TRIM33: variants seen among roughly 807,000 people sequenced by gnomAD.
TRIM33 encodes the protein tripartite motif containing 33.
A neutral mutation model predicts 125.4 loss-of-function variants in TRIM33; 20 were observed. The observed-to-expected ratio is 0.16, with a 90% confidence interval of 0.11 to 0.23. The LOEUF is 0.23. Ranked by LOEUF, TRIM33 falls within the 10% of genes least tolerant of loss-of-function variation. TRIM33 has a pLI of 1.00. For missense variants in TRIM33, 920 were observed against 1,411.4 expected (o/e 0.65, Z 5.58); for synonymous variants, 564 against 513.9 (o/e 1.10, Z -1.32).
At chr1:114,490,059 T>G (rs1357909239) in intron 1 of TRIM33, among the ~76,000 whole-genome samples, 1 of 112,780 alleles carries the variant, frequency 8.9e-6, no homozygotes, top group Non-Finnish European at 1.6e-5. Context: ...AAGACCAGCC[T>G]GGGCAACAGA....
At chr1:114,398,072 C>A (rs1243939939) in intron 18 of TRIM33, 82 bp from the exon 19 acceptor site, 4 of 1,464,346 alleles carry the variant, frequency 2.7e-6, no homozygotes. Flanking sequence ...GGATTGGCGA[C>A]GAAAAGTCAG....
chr1:114,414,027 G>GCGCACACACACA (rs1353374378), intron 11 of TRIM33, among the ~76,000 whole-genome samples: 1 of 130,684 alleles, frequency 7.7e-6, no homozygotes, highest in Non-Finnish European at 1.6e-5. Context: ...TAAATCACAG[G>GCGCACACACACA]CACACACACA....
chr1:114,418,749 A>G (rs983860929), intron 11 of TRIM33, among the ~76,000 whole-genome samples: 10 of 152,088 alleles, frequency 6.6e-5, no homozygotes, highest in African/African-American at 2.4e-4. Context: ...TGACACTGAC[A>G]ATGGCTCCAC....
chr1:114,424,979 CCT>C (rs1357955852), intron 9 of TRIM33, among the ~76,000 whole-genome samples: 3 of 151,992 alleles, frequency 2.0e-5, no homozygotes, highest in African/African-American at 4.8e-5. Flanking sequence ...ACCTGTTCCC[CCT>C]CTTTTTCTCT....
In TRIM33 at chr1:114,479,652, A is replaced by G. The variant is rs137941498; in HGVS notation, c.527-15264T>C. Among the ~76,000 whole-genome samples, 523 of 152,362 alleles carry G rather than the reference A, an allele frequency of 3.4e-3. 2 individuals are homozygous for G. Among genetic ancestry groups the G allele is most frequent in the Non-Finnish European group, 5.3e-3 (361 of 68,028 alleles). ...TCAGGATGACAGGAAATAAAACCAG[A>G]CTATATAAATGTAACAATCATGACT... On this transcript the variant is annotated intron_variant, in intron 1 of 19. Transcript: ENST00000358465.
At chr1:114,401,338 T>G in intron 17 of TRIM33, 51 bp downstream of exon 17, 1 of 1,519,404 alleles carries the variant, frequency 6.6e-7, no homozygotes, top group Non-Finnish European at 9.1e-7. Context: ...GAGCCCATAC[T>G]CTTAAGTATT....
intron 10 of TRIM33, 123 bp downstream of exon 10, chr1:114,424,468 G>T: frequency 1.3e-6 from 1 of 748,778 alleles, no homozygotes. Flanking sequence ...TGGGACAAGA[G>T]GATATACAGC....
chr1:114,399,275 A>G (rs545438505), intron 18 of TRIM33, among the ~76,000 whole-genome samples, 182 bp downstream of exon 18: 2 of 152,266 alleles, frequency 1.3e-5, no homozygotes, highest in East Asian at 3.9e-4. Flanking sequence ...ATTTAAGTAT[A>G]TACTCCAAAT....
chr1:114,485,707 GC>G (rs1239295630), intron 1 of TRIM33, among the ~76,000 whole-genome samples: 2 of 152,184 alleles, frequency 1.3e-5, no homozygotes, highest in African/African-American at 4.8e-5. Context: ...GTGTCAGGAG[GC>G]CCAAGGGGAA....
intron 4 of TRIM33, among the ~76,000 whole-genome samples, chr1:114,437,136 G>C (rs111350981): frequency 6.6e-6 from 1 of 152,026 alleles, no homozygotes; most frequent in Non-Finnish European, 1.5e-5. Flanking sequence ...AATATATCTT[G>C]TTACATTCAT....
At chr1:114,475,813 G>C (rs968886576) in intron 1 of TRIM33, among the ~76,000 whole-genome samples, 1 of 152,078 alleles carries the variant, frequency 6.6e-6, no homozygotes, top group Non-Finnish European at 1.5e-5. Flanking sequence ...ATCCAGCCTA[G>C]GCAACAAAGC....
Position 114,500,571 on chromosome 1 carries a change from T to G in TRIM33, c.526+9980A>C, listed in dbSNP as rs1249904714. On this transcript the variant is annotated intron_variant, in intron 1 of 19. Coordinates refer to ENST00000358465, the MANE Select transcript of TRIM33 (RefSeq NM_015906.4). ...AGTATAAGAGTGAGCAAAAGGTGAA[T>G]GGCCAAGGTTTGTCTTGGAAAAAGA... Among the ~76,000 whole-genome samples, 5 of 149,450 alleles carry G rather than the reference T, an allele frequency of 3.3e-5. No individual in the cohort carries two copies. In the South Asian group the frequency reaches 1.1e-3, roughly 32 times the overall value.
At chr1:114,450,354 C>T (rs1649238771) in intron 4 of TRIM33, among the ~76,000 whole-genome samples, 1 of 152,058 alleles carries the variant, frequency 6.6e-6, no homozygotes, top group African/African-American at 2.4e-5. Context: ...TTTTTGGAGA[C>T]AAAGTCTCAA....
At chr1:114,410,891 C>T (rs1396565036) in intron 11 of TRIM33, among the ~76,000 whole-genome samples, 3 of 152,068 alleles carry the variant, frequency 2.0e-5, no homozygotes, top group African/African-American at 4.8e-5. Context: ...TCAACCTGAA[C>T]GTCAGTTTCC....
intron 4 of TRIM33, among the ~76,000 whole-genome samples, chr1:114,434,772 T>C (rs1353846696): frequency 1.3e-5 from 2 of 152,238 alleles, no homozygotes; most frequent in Non-Finnish European, 2.9e-5. Flanking sequence ...TGACAAGAGA[T>C]ATAATTCACG....
At chr1:114,504,519 G>A (rs944735655) in intron 1 of TRIM33, among the ~76,000 whole-genome samples, 1 of 152,174 alleles carries the variant, frequency 6.6e-6, no homozygotes, top group Non-Finnish European at 1.5e-5. Context: ...TGTCAGCGCA[G>A]TGAATAAGGA....
At chr1:114,436,091 T>C (rs1648271500) in intron 4 of TRIM33, among the ~76,000 whole-genome samples, 1 of 151,524 alleles carries the variant, frequency 6.6e-6, no homozygotes, top group Non-Finnish European at 1.5e-5. Flanking sequence ...TTGAGCAACA[T>C]TATAACTTGT....
In TRIM33 at chr1:114,397,416, T is replaced by C; in HGVS notation, c.*232A>G. On this transcript the variant is annotated 3_prime_UTR_variant, in exon 20 of 20. Coordinates refer to ENST00000358465, the MANE Select transcript of TRIM33 (RefSeq NM_015906.4). ...AGAAATCCTCAAATCATTTCACTTT[T>C]GCTTTTTGCTTTGAAACTTGCAAAC... is the stretch of plus-strand genomic sequence containing the variant. The C allele has an allele frequency of 1.9e-6, 1 of 527,696 alleles. No individual in the cohort carries two copies. The highest frequency in any genetic ancestry group is 3.3e-6 in the Non-Finnish European group (1 of 298,752). 32.7% of individuals were successfully genotyped at this position (527,696 alleles called of 1,614,324 possible). A position where few individuals can be genotyped will look rare whatever the true frequency, so the allele number is the denominator to read the frequency against.
intron 11 of TRIM33, among the ~76,000 whole-genome samples, chr1:114,420,900 C>T (rs1027056336): frequency 6.6e-6 from 1 of 152,156 alleles, no homozygotes; most frequent in Admixed American, 6.5e-5. Flanking sequence ...GAAATTGTTA[C>T]ATCAGAGAAA....
Sources: allele counts gnomAD v4.1 joint callset (sites outside exome capture counted in the v4.1 genomes callset), GRCh38; gene constraint gnomAD v4.1.1; transcripts MANE v1.5; gene names NCBI Gene and HGNC (gene_info 2026-07-23, HGNC 2026-07-21).